Variants in PIEZO2 observed in about 807,000 individuals in gnomAD.
The protein encoded by PIEZO2 is piezo-type mechanosensitive ion channel component 2.
PIEZO2 carries 172 observed loss-of-function variants against 337.3 expected under a neutral mutation model. The ratio of observed to expected loss-of-function variants is 0.51; its 90% CI spans 0.45 to 0.58. PIEZO2 has a LOEUF of 0.58. PIEZO2 is among the 20% of genes least tolerant of loss of function. PIEZO2 has a pLI of 0.00. For missense variants in PIEZO2, 3,028 were observed against 3,391.3 expected, an observed-to-expected ratio of 0.89 and a Z score of 2.66; for synonymous variants, 1,251 against 1,228.5, an observed-to-expected ratio of 1.02 and a Z score of -0.38.
In PIEZO2 at chr18:11,031,543, CAGAGATGAT is replaced by C. The variant is rs2036738528; in HGVS notation, c.160+34575_160+34583del. ...CTATTTGATATTTTAATATTCTTCA[CAGAGATGAT>C]ATTCAAATTATGCTTTTAAAACATT... On this transcript the variant is annotated intron_variant, in intron 2 of 55. Coordinates refer to ENST00000674853, the MANE Select transcript of PIEZO2 (RefSeq NM_001378183.1). This position sits in a 1 kb window ranked among gnomAD's most constrained non-coding sequence, Gnocchi z 4.7. 6.6e-6 allele frequency among the ~76,000 whole-genome samples: 1 copy of C among 152,076 alleles called. No homozygotes were observed. The highest frequency in any genetic ancestry group is 6.5e-5 in the Admixed American group (1 of 15,278).
intron 3 of PIEZO2, among the ~76,000 whole-genome samples, chr18:10,946,975 T>G (rs1483727363): frequency 6.6e-6 from 1 of 151,936 alleles, no homozygotes. Flanking sequence ...TGAATTATCT[T>G]AAAACAAATA....
At chr18:10,927,794 G>A (rs543617769) in intron 3 of PIEZO2, among the ~76,000 whole-genome samples, 179 of 152,228 alleles carry the variant, frequency 1.2e-3, no homozygotes, top group African/African-American at 4.2e-3. Context: ...AGCCAGACTA[G>A]TGCTGTCTAC....
chr18:10,704,637 A>G lies in PIEZO2; in HGVS notation c.6015T>C (p.Asp2005=). Residue 2005 remains aspartate (D), a synonymous_variant, in exon 42 of 56, where the codon GAT becomes GAC. Transcript: ENST00000674853. The stretch of plus-strand genomic sequence containing the variant: ...AGAATTTCTCTGACTCTTCAAGCTC[A>G]TCGTCGTGAAACATCCTGTTAAAGC... ...ELLLKKMFHD[D]ELEESEKFYV... 1.3e-6 allele frequency: 2 copies of G among 1,536,720 alleles called. No homozygotes were observed. The highest frequency in any genetic ancestry group is 1.7e-6 in the Non-Finnish European group (2 of 1,146,408).
intron 37 of PIEZO2, among the ~76,000 whole-genome samples, chr18:10,717,390 C>A (rs1213846512): frequency 6.6e-6 from 1 of 152,102 alleles, no homozygotes; most frequent in African/African-American, 2.4e-5. Flanking sequence ...AGTCTCCTTT[C>A]GTGCCAGCAG....
rs1259376553 is a variant in PIEZO2 at position 10,847,730 on chromosome 18, A to G, written c.917+7623T>C. ...AACTCTACCTTTCAGATAAGCATAA[A>G]TGAACTCTGAATGAGACCTGTAGAA... On this transcript the variant is annotated intron_variant, in intron 7 of 55. Coordinates refer to ENST00000674853, the MANE Select transcript of PIEZO2 (RefSeq NM_001378183.1). The surrounding 1 kb of genome is among the most constrained non-coding windows in gnomAD (Gnocchi z 5.7). 6.6e-6 allele frequency among the ~76,000 whole-genome samples: 1 copy of G among 152,204 alleles called. No homozygotes were observed. Among genetic ancestry groups the G allele is most frequent in the Non-Finnish European group, 1.5e-5 (1 of 68,032 alleles).
At chr18:10,990,789 T>G (rs2035060463) in intron 2 of PIEZO2, among the ~76,000 whole-genome samples, 1 of 151,544 alleles carries the variant, frequency 6.6e-6, no homozygotes, top group South Asian at 2.1e-4. Flanking sequence ...AGACTATTAA[T>G]GTAGTAAATA....
At position 10,724,315 on chromosome 18, in the gene PIEZO2, T is replaced by C. The variant is rs760407210; in HGVS notation, c.5030-6056A>G. Reference sequence around the variant, plus strand: ...TGGAGGCTGCAATGAGCTATGATCATTGCACTGCACTCCACCTTGGGTGAC... The same window carrying C: ...TGGAGGCTGCAATGAGCTATGATCACTGCACTGCACTCCACCTTGGGTGAC... On this transcript the variant is annotated intron_variant, in intron 36 of 55. Transcript: ENST00000674853. The surrounding 1 kb of genome is among the most constrained non-coding windows in gnomAD (Gnocchi z 5.8). Among the ~76,000 whole-genome samples, 2 of 152,092 alleles carry C rather than the reference T, an allele frequency of 1.3e-5. No homozygotes were observed. Among genetic ancestry groups the C allele is most frequent in the African/African-American group, 2.4e-5 (1 of 41,412 alleles).
chr18:11,043,867 T>G (rs1206295001), intron 2 of PIEZO2, among the ~76,000 whole-genome samples: 1 of 151,638 alleles, frequency 6.6e-6, no homozygotes, highest in African/African-American at 2.4e-5. Context: ...AGACAGGGGG[T>G]TTCGTCATGT....
chr18:11,132,315 G>C lies in PIEZO2; in HGVS notation c.64+16210C>G, dbSNP rs2040362938. 6.6e-6 allele frequency among the ~76,000 whole-genome samples: 1 copy of C among 152,288 alleles called. No individual in the cohort carries two copies. Among genetic ancestry groups the C allele is most frequent in the Non-Finnish European group, 1.5e-5 (1 of 68,018 alleles). On this transcript the variant is annotated intron_variant, in intron 1 of 55. Transcript: ENST00000674853. This position sits in a 1 kb window ranked among gnomAD's most constrained non-coding sequence, Gnocchi z 4.7. Reference sequence around the variant, plus strand: ...TATGGTGAAAGAAGTGTGGCAGCAGGCTCATGCTCATGGAATCCAATGTGC... The same window carrying C: ...TATGGTGAAAGAAGTGTGGCAGCAGCCTCATGCTCATGGAATCCAATGTGC...
chr18:10,751,750 A>G (rs763375380), intron 28 of PIEZO2, among the ~76,000 whole-genome samples: 5 of 152,204 alleles, frequency 3.3e-5, no homozygotes, highest in African/African-American at 4.8e-5. Flanking sequence ...AGACGCAGGC[A>G]CAGGGATAAA....
intron 35 of PIEZO2, among the ~76,000 whole-genome samples, chr18:10,734,765 C>A (rs549874435): frequency 6.6e-6 from 1 of 152,232 alleles, no homozygotes; most frequent in East Asian, 1.9e-4. Flanking sequence ...CTGGCTGTAC[C>A]GAGTGCAGAA....
chr18:10,739,056 T>C (rs183269231), intron 33 of PIEZO2: 11 of 152,312 alleles, frequency 7.2e-5, no homozygotes, highest in Admixed American at 6.5e-4. Flanking sequence ...GCCCAGTTAC[T>C]CAAAAGATCA....
rs192269367 is a variant in PIEZO2, at chr18:10,962,090, A to G, written c.286+17445T>C. On this transcript the variant is annotated intron_variant, in intron 3 of 55. Coordinates refer to ENST00000674853, the MANE Select transcript of PIEZO2 (RefSeq NM_001378183.1). The surrounding 1 kb of genome is among the most constrained non-coding windows in gnomAD (Gnocchi z 4.1). Reference sequence around the variant, plus strand: ...CAGTTTTTTTTTCCAAGCAGACTGTAATCAACTATATTAGCATGACAACAA... The same window carrying G: ...CAGTTTTTTTTTCCAAGCAGACTGTGATCAACTATATTAGCATGACAACAA... Among the ~76,000 whole-genome samples, 20 of 152,270 alleles carry G rather than the reference A, an allele frequency of 1.3e-4. No individual in the cohort carries two copies. The highest frequency in any genetic ancestry group is 3.9e-4 in the Admixed American group (6 of 15,282).
At chr18:10,986,137 G>A (rs2034861633) in intron 2 of PIEZO2, among the ~76,000 whole-genome samples, 1 of 151,988 alleles carries the variant, frequency 6.6e-6, no homozygotes. Context: ...TAGCTTCACT[G>A]TTGAACTCTA....
chr18:10,751,537 T>C (rs144575901), intron 28 of PIEZO2, among the ~76,000 whole-genome samples: 1,601 of 152,262 alleles, frequency 0.011, 35 homozygotes, highest in African/African-American at 0.036. Context: ...CAAAATAAAT[T>C]ATCCAAATAC....
rs568768291 is a variant in PIEZO2 at position 10,854,808 on chromosome 18, G to A, written c.917+545C>T. ...GGCTCACCGCAGTCTTGACCTCCCA[G>A]GCTCAGGTGACGCTCCCACTTCAGC... On this transcript the variant is annotated intron_variant, in intron 7 of 55. Transcript: ENST00000674853. The surrounding 1 kb of genome is among the most constrained non-coding windows in gnomAD (Gnocchi z 4.6). Among the ~76,000 whole-genome samples the A allele has an allele frequency of 3.9e-5, 6 of 152,308 alleles. No individual in the cohort carries two copies. The highest frequency in any genetic ancestry group is 3.9e-4 in the Admixed American group (6 of 15,294).
At chr18:10,832,700 C>CT (rs1415196405) in intron 7 of PIEZO2, among the ~76,000 whole-genome samples, 9 of 152,194 alleles carry the variant, frequency 5.9e-5, no homozygotes, top group Non-Finnish European at 1.2e-4. Flanking sequence ...TCCATCAGTT[C>CT]CCTCCATGGG....
chr18:10,995,222 G>A (rs897060097), intron 2 of PIEZO2, among the ~76,000 whole-genome samples: 5 of 151,764 alleles, frequency 3.3e-5, no homozygotes, highest in African/African-American at 7.3e-5. Context: ...TTCCCTGATC[G>A]TTAGTGATGT....
chr18:10,985,859 G>A (rs1335703344), intron 2 of PIEZO2, among the ~76,000 whole-genome samples: 3 of 151,902 alleles, frequency 2.0e-5, no homozygotes, highest in Non-Finnish European at 2.9e-5. Flanking sequence ...TTAACAAAAT[G>A]TCAATAATAG....
Sources: allele counts gnomAD v4.1 joint callset (sites outside exome capture counted in the v4.1 genomes callset), GRCh38; gene constraint gnomAD v4.1.1; non-coding constraint Gnocchi (gnomAD v3.1); transcripts MANE v1.5; gene names NCBI Gene and HGNC (gene_info 2026-07-23, HGNC 2026-07-21).